The following EPHA6 variants were observed in gnomAD, a reference collection of about 807,000 sequenced individuals.
The protein encoded by EPHA6 is ephrin type-A receptor 6.
A neutral mutation model predicts 112.0 loss-of-function variants in EPHA6; 50 were observed. The observed-to-expected ratio is 0.45, with a 90% CI of 0.36 to 0.56. The LOEUF (loss-of-function observed/expected upper bound fraction) is 0.56, where lower values mean the gene tolerates loss of function less well. Among genes scored for constraint, EPHA6 ranks in the 20% least tolerant of loss-of-function variants. EPHA6 has a pLI of 0.00. For synonymous variants in EPHA6, 529 were observed against 490.7 expected, an observed-to-expected ratio of 1.08 and a Z score of -1.03; for missense variants, 1,280 against 1,417.4, an observed-to-expected ratio of 0.90 and a Z score of 1.56.
At position 96,855,312 on chromosome 3, in the gene EPHA6, A is replaced by G. The variant is rs184682845; in HGVS notation, c.386-11513A>G. Among the ~76,000 whole-genome samples the G allele has an allele frequency of 4.3e-3, 659 of 152,306 alleles. 4 individuals carry two copies. The highest frequency in any genetic ancestry group is 0.015 in the African/African-American group (615 of 41,582). ...TAATTTTCCTTCTCCGTGTAACAGC[A>G]TATACATAGGTTCCTAGGATCAGGA... On this transcript the variant is annotated intron_variant, in intron 1 of 17. Transcript: ENST00000389672.
chr3:96,842,826 T>C (rs2034830916), intron 1 of EPHA6, among the ~76,000 whole-genome samples: 1 of 152,070 alleles, frequency 6.6e-6, no homozygotes, highest in African/African-American at 2.4e-5. Flanking sequence ...GTTACAGCTC[T>C]AAAATCTATT....
intron 12 of EPHA6, among the ~76,000 whole-genome samples, chr3:97,610,511 C>A (rs2093710728): frequency 6.6e-6 from 1 of 151,534 alleles, no homozygotes; most frequent in Non-Finnish European, 1.5e-5. Flanking sequence ...AGAACATAAT[C>A]TAAACAAGTG....
chr3:97,284,499 T>C (rs1489312308), intron 5 of EPHA6, among the ~76,000 whole-genome samples: 1 of 152,136 alleles, frequency 6.6e-6, no homozygotes, highest in African/African-American at 2.4e-5. Context: ...CCACTCCCAT[T>C]TTTTGTTTGT....
chr3:97,241,763 T>TG (rs1451800332), intron 4 of EPHA6, among the ~76,000 whole-genome samples: 1 of 150,436 alleles, frequency 6.6e-6, no homozygotes, highest in Non-Finnish European at 1.5e-5. Context: ...TTGTTTTTTT[T>TG]TTTTTTTGTT....
At chr3:97,678,150 T>G (rs1376646123) in intron 14 of EPHA6, among the ~76,000 whole-genome samples, 1 of 152,082 alleles carries the variant, frequency 6.6e-6, no homozygotes, top group Non-Finnish European at 1.5e-5. Context: ...GGGTGGTGAC[T>G]GGAAATCTGG....
chr3:97,341,653 T>A (rs942928882), intron 5 of EPHA6, among the ~76,000 whole-genome samples: 1 of 152,126 alleles, frequency 6.6e-6, no homozygotes, highest in African/African-American at 2.4e-5. Context: ...TTTTAATATA[T>A]ATTAAGTGTA....
At chr3:96,880,121 AT>A (rs1418802383) in intron 2 of EPHA6, among the ~76,000 whole-genome samples, 2 of 152,106 alleles carry the variant, frequency 1.3e-5, no homozygotes, top group Non-Finnish European at 2.9e-5. Flanking sequence ...ATTTAAAAAA[AT>A]AACTATAAGA....
intron 3 of EPHA6, among the ~76,000 whole-genome samples, chr3:97,190,665 T>C (rs530167358): frequency 1.3e-5 from 2 of 152,186 alleles, no homozygotes; most frequent in South Asian, 4.1e-4. Context: ...GTATAGATTG[T>C]GGAATGACTG....
intron 12 of EPHA6, among the ~76,000 whole-genome samples, chr3:97,605,612 T>C (rs2093675108): frequency 6.6e-6 from 1 of 151,730 alleles, no homozygotes. Flanking sequence ...TCTATGTGCC[T>C]GTTTTTGTAC....
chr3:97,561,269 G>A lies in EPHA6; in HGVS notation c.2386+28726G>A, dbSNP rs113347936. ...GCTCATAAAACTCAGTGAGGAAAGCGTGTAAAAAGCTGAGATTGACTGTAA... is the reference window on the plus strand; with the variant it reads ...GCTCATAAAACTCAGTGAGGAAAGCATGTAAAAAGCTGAGATTGACTGTAA... On this transcript the variant is annotated intron_variant, in intron 11 of 17. Coordinates refer to ENST00000389672, the MANE Select transcript of EPHA6 (RefSeq NM_001080448.3). Among the ~76,000 whole-genome samples, 853 of 152,150 alleles carry A rather than the reference G, an allele frequency of 5.6e-3. 10 individuals carry two copies. The highest frequency in any genetic ancestry group is 0.018 in the African/African-American group (730 of 41,528).
chr3:97,485,067 A>T (rs2091665054), intron 10 of EPHA6, among the ~76,000 whole-genome samples: 1 of 152,210 alleles, frequency 6.6e-6, no homozygotes, highest in Admixed American at 6.5e-5. Flanking sequence ...TAGACAAGGG[A>T]TATTGGATCT....
intron 3 of EPHA6, among the ~76,000 whole-genome samples, chr3:97,212,920 A>T (rs1195875708): frequency 6.6e-6 from 1 of 152,122 alleles, no homozygotes. Context: ...AAACAAACTA[A>T]CTGAAAACAA....
intron 5 of EPHA6, among the ~76,000 whole-genome samples, chr3:97,396,346 G>C (rs971809539): frequency 6.8e-6 from 1 of 146,614 alleles, no homozygotes; most frequent in African/African-American, 2.5e-5. Flanking sequence ...AGCTGACTGA[G>C]AATTAGCATT....
At position 97,102,559 on chromosome 3, in the gene EPHA6, A is replaced by G. The variant is rs116364494; in HGVS notation, c.1114+114566A>G. 1.1e-3 allele frequency among the ~76,000 whole-genome samples: 162 copies of G among 152,242 alleles called. 1 individual carries two copies. In the South Asian group the frequency reaches 0.011, roughly 11 times the overall value. On this transcript the variant is annotated intron_variant, in intron 3 of 17. Transcript: ENST00000389672. ...ACGATTAAACTTCTGTGCTTTTGCT[A>G]TTGTGAATAGTGCTGCAATGAAAAT...
intron 2 of EPHA6, among the ~76,000 whole-genome samples, chr3:96,941,497 C>T (rs909996560): frequency 4.6e-5 from 7 of 152,146 alleles, no homozygotes; most frequent in South Asian, 4.1e-4. Flanking sequence ...GTTATACATT[C>T]GTCTAATTTT....
chr3:97,746,323 T>A (rs1332685469), intron 16 of EPHA6, among the ~76,000 whole-genome samples: 1 of 151,822 alleles, frequency 6.6e-6, no homozygotes, highest in African/African-American at 2.4e-5. Context: ...GATCTAAAAA[T>A]TCTTTAAATG....
At chr3:97,242,842 C>T (rs532007610) in intron 4 of EPHA6, among the ~76,000 whole-genome samples, 7 of 151,512 alleles carry the variant, frequency 4.6e-5, no homozygotes, top group Non-Finnish European at 7.4e-5. Flanking sequence ...TAAAATATGG[C>T]GTGACTGTTG....
intron 5 of EPHA6, among the ~76,000 whole-genome samples, chr3:97,264,282 C>T (rs1011359921): frequency 1.3e-5 from 2 of 152,194 alleles, no homozygotes; most frequent in African/African-American, 4.8e-5. Context: ...GCAAATCAAG[C>T]GTGGAGTGGC....
At position 97,637,970 on chromosome 3, in the gene EPHA6, G is replaced by A. The variant is rs1422632919; in HGVS notation, c.2672G>A (p.Arg891Gln). ...KYLSDMGYVH[R>Q]DLAARNILVN... is the part of the protein sequence containing the mutation. ...CTTTCTGATATGGGTTATGTTCATCGAGACCTAGCGGCTCGGAATATACTG... is the reference window on the plus strand; with the variant it reads ...CTTTCTGATATGGGTTATGTTCATCAAGACCTAGCGGCTCGGAATATACTG... The change falls in exon 14 of 18, where the codon CGA becomes CAA. Residue 891 changes from arginine (R) to glutamine (Q), a missense_variant. By Grantham distance (43) the Arg-to-Gln change is conservative (BLOSUM62 1). This residue lies in a region of EPHA6 where 878 missense variants were observed against 999.7 expected (regional missense o/e 0.88). Coordinates refer to ENST00000389672, the MANE Select transcript of EPHA6 (RefSeq NM_001080448.3). 3 of 1,613,868 alleles carry A rather than the reference G, an allele frequency of 1.9e-6. No individual in the cohort carries two copies. The highest frequency in any genetic ancestry group is 2.7e-5 in the African/African-American group (2 of 75,022).
Sources: allele counts gnomAD v4.1 joint callset (sites outside exome capture counted in the v4.1 genomes callset), GRCh38; gene constraint gnomAD v4.1.1; regional missense constraint gnomAD v4.1.1; transcripts MANE v1.5; gene names NCBI Gene and HGNC (gene_info 2026-07-23, HGNC 2026-07-21).